The following REPS1 variants were observed in gnomAD, a reference collection of about 807,000 sequenced individuals.
REPS1 encodes the protein RALBP1 associated Eps domain containing 1.
Under a neutral mutation model 100.9 loss-of-function variants are expected in REPS1, and 39 were observed. The observed-to-expected ratio is 0.39, with a 90% CI of 0.30 to 0.50. The LOEUF is 0.50. REPS1 is among the 20% of genes least tolerant of loss of function. The pLI, the probability that REPS1 is intolerant of heterozygous loss-of-function variation, is 0.86. For missense variants in REPS1, 821 were observed against 968.5 expected, an observed-to-expected ratio of 0.85 and a Z score of 2.02; for synonymous variants, 324 against 340.3, an observed-to-expected ratio of 0.95 and a Z score of 0.53.
At chr6:138,959,245 T>G (rs1783587326) in intron 1 of REPS1, among the ~76,000 whole-genome samples, 1 of 152,128 alleles carries the variant, frequency 6.6e-6, no homozygotes, top group Non-Finnish European at 1.5e-5. Flanking sequence ...AGAATGAGAC[T>G]GCAGGGAACG....
At chr6:138,921,547 G>A (rs1418157313) in intron 10 of REPS1, among the ~76,000 whole-genome samples, 1 of 147,902 alleles carries the variant, frequency 6.8e-6, no homozygotes, top group African/African-American at 2.5e-5. Flanking sequence ...GCTACTCGGG[G>A]ATGCTTAGGT....
chr6:138,921,963 C>T (rs1296393229), intron 10 of REPS1, among the ~76,000 whole-genome samples: 1 of 118,210 alleles, frequency 8.5e-6, no homozygotes, highest in South Asian at 2.4e-4. Context: ...CAGAGCTAGA[C>T]CACATCTCAA....
chr6:138,945,996 G>A (rs75553489), intron 2 of REPS1, among the ~76,000 whole-genome samples: 2 of 151,986 alleles, frequency 1.3e-5, no homozygotes, highest in African/African-American at 2.4e-5. Flanking sequence ...ATTTCACCTC[G>A]TAACCACAGT....
At chr6:138,965,882 A>G (rs1347862145) in intron 1 of REPS1, among the ~76,000 whole-genome samples, 2 of 152,164 alleles carry the variant, frequency 1.3e-5, no homozygotes, top group Non-Finnish European at 2.9e-5. Flanking sequence ...CAGAACCACA[A>G]TGACTCCTAA....
chr6:138,919,002 G>C (rs182370636), intron 12 of REPS1, among the ~76,000 whole-genome samples: 39 of 152,270 alleles, frequency 2.6e-4, no homozygotes, highest in Middle Eastern at 3.4e-3. Context: ...GAATCATCTA[G>C]TTGGTACAAG....
chr6:138,975,050 G>A (rs1784523189), intron 1 of REPS1, among the ~76,000 whole-genome samples: 1 of 151,366 alleles, frequency 6.6e-6, no homozygotes, highest in Admixed American at 6.6e-5. Flanking sequence ...GCCTCATTCA[G>A]GAACCACCAC....
chr6:138,929,886 G>A, intron 9 of REPS1, 91 bp downstream of exon 9: 1 of 1,270,474 alleles, frequency 7.9e-7, no homozygotes, highest in Non-Finnish European at 1.1e-6. Context: ...ATGCATGCAT[G>A]CTGGAAGAGA....
At chr6:138,948,065 G>T (rs1317618112) in intron 1 of REPS1, among the ~76,000 whole-genome samples, 152 bp from the exon 2 acceptor site, 4 of 152,120 alleles carry the variant, frequency 2.6e-5, no homozygotes, top group Non-Finnish European at 5.9e-5. Flanking sequence ...TCAAGTTTCA[G>T]GTTCATATGT....
intron 1 of REPS1, among the ~76,000 whole-genome samples, chr6:138,977,277 A>G (rs541732417): frequency 6.6e-6 from 1 of 152,334 alleles, no homozygotes; most frequent in African/African-American, 2.4e-5. Context: ...TGCTTTTTGT[A>G]GACAGTCCAT....
intron 8 of REPS1, among the ~76,000 whole-genome samples, chr6:138,939,616 T>C (rs1390801854): frequency 6.6e-6 from 1 of 152,214 alleles, no homozygotes; most frequent in African/African-American, 2.4e-5. Context: ...GTTTCTTGTA[T>C]TATTGTGCTG....
rs1554294151 is a variant in REPS1 at position 138,955,457 on chromosome 6, AGTGTGTGTGT to A, written c.154-7554_154-7545del. On this transcript the variant is annotated intron_variant, in intron 1 of 19. Transcript: ENST00000450536. Reference sequence around the variant, plus strand: ...TGTCTCTTTAAAAAAAAAAAAAAAAAGTGTGTGTGTGTGTGTGTGTGTGTGTGTGTGTAAA... The same window carrying A: ...TGTCTCTTTAAAAAAAAAAAAAAAAAGTGTGTGTGTGTGTGTGTGTGTAAA... Among the ~76,000 whole-genome samples the A allele has an allele frequency of 3.0e-3, 269 of 90,740 alleles. 1 individual carries two copies. Among genetic ancestry groups the A allele is most frequent in the Non-Finnish European group, 4.1e-3 (209 of 50,676 alleles). 59.5% of individuals were successfully genotyped at this position (90,740 alleles called of 152,430 possible).
intron 8 of REPS1, among the ~76,000 whole-genome samples, chr6:138,935,622 G>A (rs563159371): frequency 1.3e-5 from 2 of 152,134 alleles, no homozygotes; most frequent in East Asian, 1.9e-4. Context: ...ATGGAAGACC[G>A]AGGCAGGCGC....
At chr6:138,909,411 A>G (rs1350759378) in intron 17 of REPS1, among the ~76,000 whole-genome samples, 1 of 152,236 alleles carries the variant, frequency 6.6e-6, no homozygotes, top group African/African-American at 2.4e-5. Flanking sequence ...AATAAAAACA[A>G]TAGTCAACTG....
chr6:138,975,696 C>T (rs1197785782), intron 1 of REPS1, among the ~76,000 whole-genome samples: 1 of 152,014 alleles, frequency 6.6e-6, no homozygotes, highest in East Asian at 1.9e-4. Flanking sequence ...TAGCTGGGCG[C>T]AGTGGCAGGC....
chr6:138,969,884 T>A lies in REPS1; in HGVS notation c.153+17646A>T, dbSNP rs1554296894. 7.4e-3 allele frequency among the ~76,000 whole-genome samples: 892 copies of A among 120,198 alleles called. 11 individuals are homozygous for A. Among genetic ancestry groups the A allele is most frequent in the African/African-American group, 0.029 (837 of 28,932 alleles). The allele number at this position is 120,198 out of a possible 152,430, so 78.9% of individuals were successfully genotyped here. A position where few individuals can be genotyped will look rare whatever the true frequency, so the allele number is the denominator to read the frequency against. On this transcript the variant is annotated intron_variant, in intron 1 of 19. Transcript: ENST00000450536. ...ATTTTTTTTTTTTTTTTTTTTTTTT[T>A]AGTAAGTACCTCATCTCTAGACCTT...
chr6:138,928,615 C>T (rs1432745190), intron 9 of REPS1: 1 of 152,126 alleles, frequency 6.6e-6, no homozygotes, highest in Non-Finnish European at 1.5e-5. Flanking sequence ...ACTTCCATTT[C>T]TGTCTCTAAT....
chr6:138,980,549 AC>A (rs71813151), intron 1 of REPS1, among the ~76,000 whole-genome samples: 1 of 150,610 alleles, frequency 6.6e-6, no homozygotes, highest in African/African-American at 2.4e-5. Context: ...CCCTCCCCTG[AC>A]CCCCCATCCA....
chr6:138,947,218 T>C (rs1439717815), intron 2 of REPS1, among the ~76,000 whole-genome samples: 1 of 152,186 alleles, frequency 6.6e-6, no homozygotes, highest in African/African-American at 2.4e-5. Context: ...GATTTCTTTA[T>C]AGCAGTGTTA....
rs370432769 is a variant in REPS1, at chr6:138,910,478, C to T, written c.2067+798G>A. ...AAGCGATCCCCCCACTTCAGCCTGC[C>T]AAGTAGCTGGGACTATAGGCGCATA... On this transcript the variant is annotated intron_variant, in intron 17 of 19. Coordinates refer to ENST00000450536, the MANE Select transcript of REPS1 (RefSeq NM_001286611.2). Among the ~76,000 whole-genome samples the T allele has an allele frequency of 5.9e-5, 9 of 152,280 alleles. No individual in the cohort carries two copies. The South Asian group carries it at 1.7e-3, about 28-fold the overall frequency.
Sources: allele counts gnomAD v4.1 joint callset (sites outside exome capture counted in the v4.1 genomes callset), GRCh38; gene constraint gnomAD v4.1.1; transcripts MANE v1.5; gene names NCBI Gene and HGNC (gene_info 2026-07-23, HGNC 2026-07-21).